The following MGAT4C variants were observed in gnomAD, a reference collection of about 807,000 sequenced individuals.
MGAT4C encodes MGAT4 family member C.
MGAT4C carries 19 observed loss-of-function variants against 40.1 expected under a neutral mutation model. The ratio of observed to expected loss-of-function variants is 0.47; its 90% confidence interval spans 0.33 to 0.70. The LOEUF (loss-of-function observed/expected upper bound fraction) is 0.70, where lower values mean the gene tolerates loss of function less well. MGAT4C is among the 30% of genes least tolerant of loss of function. The probability of loss-of-function intolerance (pLI) is 0.02; values close to 1 mark genes in which losing one functional copy is unlikely to be tolerated. For missense variants in MGAT4C, 491 were observed against 563.2 expected (o/e 0.87, Z 1.30); for synonymous variants, 181 against 187.1 (o/e 0.97, Z 0.27).
chr12:86,362,783 C>T (rs768804149), intron 3 of MGAT4C, among the ~76,000 whole-genome samples: 4 of 142,936 alleles, frequency 2.8e-5, no homozygotes, highest in African/African-American at 7.8e-5. Context: ...AGGAGAGTGG[C>T]GTGAACCTGG....
chr12:86,815,198 C>A (rs1209212253), intron 1 of MGAT4C, among the ~76,000 whole-genome samples: 2 of 151,868 alleles, frequency 1.3e-5, no homozygotes, highest in Non-Finnish European at 2.9e-5. Flanking sequence ...CATAAATAGA[C>A]AATTCTCAAA....
rs185672217 is a variant in MGAT4C at position 85,960,932 on chromosome 12, A to T, written c.*18357T>A. 1 of 152,032 alleles carries T rather than the reference A, an allele frequency of 6.6e-6. No homozygotes were observed. Among genetic ancestry groups the T allele is most frequent in the Non-Finnish European group, 1.5e-5 (1 of 67,890 alleles). The allele number at this position is 152,032 out of a possible 1,614,324, so 9.4% of individuals were successfully genotyped here. A position where few individuals can be genotyped will look rare whatever the true frequency, so the allele number is the denominator to read the frequency against. ...AACTACCCTTTACTTAAAATAAATC[A>T]TTGTATTCACATAACTTTCCAGGGC... On this transcript the variant is annotated 3_prime_UTR_variant, in exon 5 of 5. Coordinates refer to ENST00000611864, the MANE Select transcript of MGAT4C (RefSeq NM_001351288.2).
In MGAT4C at chr12:86,378,061, T is replaced by C. The variant is rs190297330; in HGVS notation, c.-119-43934A>G. On this transcript the variant is annotated intron_variant, in intron 3 of 7. Coordinates refer to the MGAT4C transcript ENST00000548651. ...AATTTCCTTCCTTTTTAAAGTTGAA[T>C]GATATTCCACTGTGTGTATATACCA... Among the ~76,000 whole-genome samples, 203 of 152,328 alleles carry C rather than the reference T, an allele frequency of 1.3e-3. 3 individuals are homozygous for C. The highest frequency in any genetic ancestry group is 0.012 in the Admixed American group (186 of 15,284).
chr12:86,276,299 A>G (rs777251530), intron 4 of MGAT4C, among the ~76,000 whole-genome samples: 7 of 152,132 alleles, frequency 4.6e-5, no homozygotes, highest in Non-Finnish European at 1.0e-4. Flanking sequence ...TTGTAGGTAT[A>G]TGGTGTCTAT....
At chr12:86,175,037 A>G (rs1887248649) in intron 1 of MGAT4C, among the ~76,000 whole-genome samples, 1 of 152,160 alleles carries the variant, frequency 6.6e-6, no homozygotes, top group Non-Finnish European at 1.5e-5. Context: ...ATGTCCACAG[A>G]AATGATTTCA....
intron 1 of MGAT4C, among the ~76,000 whole-genome samples, chr12:86,790,872 AC>A (rs1489463110): frequency 1.3e-5 from 2 of 152,158 alleles, no homozygotes; most frequent in Non-Finnish European, 2.9e-5. Flanking sequence ...CTATTTTTAA[AC>A]AAATACCCAG....
At chr12:86,331,811 A>G (rs1333325106) in intron 4 of MGAT4C, among the ~76,000 whole-genome samples, 1 of 152,218 alleles carries the variant, frequency 6.6e-6, no homozygotes, top group Non-Finnish European at 1.5e-5. Context: ...TAATCTGAGC[A>G]GCAAATGTTT....
At chr12:86,110,214 G>C (rs2135635422) in intron 1 of MGAT4C, among the ~76,000 whole-genome samples, 1 of 102,338 alleles carries the variant, frequency 9.8e-6, no homozygotes, top group African/African-American at 3.5e-5. Context: ...TCTTAAGCAA[G>C]TATATGCATT....
intron 2 of MGAT4C, among the ~76,000 whole-genome samples, chr12:86,652,899 T>TA (rs1963732578): frequency 6.6e-6 from 1 of 151,914 alleles, no homozygotes; most frequent in South Asian, 2.1e-4. Context: ...TATTTTATAA[T>TA]AAAAACATCC....
intron 2 of MGAT4C, among the ~76,000 whole-genome samples, chr12:86,033,059 A>G (rs1159115792): frequency 6.7e-6 from 1 of 149,420 alleles, no homozygotes; most frequent in African/African-American, 2.4e-5. Context: ...GACTTTTTTC[A>G]AGGTCAGATG....
intron 3 of MGAT4C, among the ~76,000 whole-genome samples, chr12:86,408,368 G>A (rs1362244640): frequency 6.7e-6 from 1 of 149,890 alleles, no homozygotes; most frequent in African/African-American, 2.5e-5. Context: ...GAGATTTTGT[G>A]AAGCAAAAAT....
chr12:86,421,138 T>C (rs1032008002), intron 3 of MGAT4C, among the ~76,000 whole-genome samples: 1 of 152,142 alleles, frequency 6.6e-6, no homozygotes, highest in Non-Finnish European at 1.5e-5. Flanking sequence ...GGGTCTTCTT[T>C]GTCCTGACTT....
intron 3 of MGAT4C, among the ~76,000 whole-genome samples, chr12:86,418,667 T>A (rs1227102795): frequency 1.3e-5 from 2 of 152,008 alleles, no homozygotes; most frequent in African/African-American, 4.8e-5. Context: ...AAAAAGTGAA[T>A]AAGTGAAAGT....
At chr12:86,723,164 A>G (rs1345193204) in intron 2 of MGAT4C, among the ~76,000 whole-genome samples, 1 of 152,208 alleles carries the variant, frequency 6.6e-6, no homozygotes, top group Non-Finnish European at 1.5e-5. Context: ...ATATCAAACA[A>G]CTAATGTTGC....
chr12:86,700,919 G>A (rs985369727), intron 2 of MGAT4C, among the ~76,000 whole-genome samples: 1 of 151,934 alleles, frequency 6.6e-6, no homozygotes, highest in Non-Finnish European at 1.5e-5. Flanking sequence ...CAATCTTGTA[G>A]AACTGGCAAA....
intron 1 of MGAT4C, among the ~76,000 whole-genome samples, chr12:86,749,853 A>G (rs1044526511): frequency 8.6e-5 from 13 of 151,802 alleles, no homozygotes; most frequent in Non-Finnish European, 1.5e-4. Context: ...GCCAAGTTAC[A>G]TGTATGTTAA....
intron 1 of MGAT4C, among the ~76,000 whole-genome samples, chr12:86,740,318 C>T (rs1027014296): frequency 1.3e-5 from 2 of 150,872 alleles, no homozygotes; most frequent in Non-Finnish European, 3.0e-5. Context: ...GGATAGGATT[C>T]ATTATATTTT....
In MGAT4C at chr12:86,152,875, T is replaced by G. The variant is rs183954577; in HGVS notation, c.-56-103152A>C. On this transcript the variant is annotated intron_variant, in intron 1 of 4. Transcript: ENST00000611864. Reference sequence around the variant, plus strand: ...ACAAAAAAGGGTCAGAATATAGAAATGACTTCCAAAGTATCCTCTCTTGCG... The same window carrying G: ...ACAAAAAAGGGTCAGAATATAGAAAGGACTTCCAAAGTATCCTCTCTTGCG... Among the ~76,000 whole-genome samples, 1,433 of 152,294 alleles carry G rather than the reference T, an allele frequency of 9.4e-3. 17 individuals are homozygous for G. The highest frequency in any genetic ancestry group is 0.014 in the Non-Finnish European group (969 of 68,014).
chr12:86,712,906 TC>T lies in MGAT4C; in HGVS notation c.-229+14302del, dbSNP rs532079842. Reference sequence around the variant, plus strand: ...AAGCCAGAAAACAAAAAGCCATCCTTCCCCTATAAGACGAGTAATAAGCATT... The same window carrying T: ...AAGCCAGAAAACAAAAAGCCATCCTTCCCTATAAGACGAGTAATAAGCATT... On this transcript the variant is annotated intron_variant, in intron 2 of 7. Transcript: ENST00000548651. 3.9e-3 allele frequency among the ~76,000 whole-genome samples: 594 copies of T among 152,210 alleles called. 3 individuals are homozygous for T. Among genetic ancestry groups the T allele is most frequent in the Admixed American group, 8.8e-3 (135 of 15,256 alleles).
Sources: gnomAD v4.1 joint callset for allele counts (sites outside exome capture counted in the v4.1 genomes callset) on GRCh38, gnomAD v4.1.1 for gene constraint, MANE v1.5 for transcripts, NCBI Gene and HGNC (gene_info 2026-07-23, HGNC 2026-07-21) for gene names.